The following ARHGAP44 variants were observed in gnomAD, a reference collection of about 807,000 sequenced individuals.
ARHGAP44 encodes Rho GTPase activating protein 44, also known as rho GTPase-activating protein 44.
In ARHGAP44, 43 loss-of-function variants were observed where a neutral mutation model predicts 106.8. The ratio of observed to expected loss-of-function variants is 0.40; its 90% CI spans 0.32 to 0.52. The LOEUF (loss-of-function observed/expected upper bound fraction) is 0.52. ARHGAP44 is among the 20% of genes least tolerant of loss of function. The pLI, the probability that ARHGAP44 is intolerant of heterozygous loss-of-function variation, is 0.48. For synonymous variants in ARHGAP44, 439 were observed against 410.3 expected (o/e 1.07, Z -0.85); for missense variants, 866 against 1,050.5 (o/e 0.82, Z 2.43).
intron 1 of ARHGAP44, among the ~76,000 whole-genome samples, chr17:12,841,708 T>C (rs140028324): frequency 1.2e-3 from 188 of 151,852 alleles, no homozygotes; most frequent in Non-Finnish European, 2.0e-3. Flanking sequence ...CCATTCTTAC[T>C]TTCTCCACTT....
intron 1 of ARHGAP44, among the ~76,000 whole-genome samples, chr17:12,841,880 A>G (rs115943089): frequency 1.9e-4 from 29 of 152,256 alleles, no homozygotes; most frequent in African/African-American, 6.3e-4. Flanking sequence ...GGGGTTTGCA[A>G]ATTTTTCAGG....
intron 1 of ARHGAP44, among the ~76,000 whole-genome samples, chr17:12,801,333 G>A (rs1258113089): frequency 6.6e-6 from 1 of 152,228 alleles, no homozygotes; most frequent in South Asian, 2.1e-4. Context: ...GTGCAGTAAC[G>A]GCACAGACCT....
intron 1 of ARHGAP44, among the ~76,000 whole-genome samples, chr17:12,827,931 C>T (rs1288494307): frequency 6.7e-6 from 1 of 148,248 alleles, no homozygotes; most frequent in Non-Finnish European, 1.5e-5. Context: ...CCCAGCTACT[C>T]AGGAGGCTGA....
At chr17:12,812,515 C>T (rs927980973) in intron 1 of ARHGAP44, among the ~76,000 whole-genome samples, 10 of 152,160 alleles carry the variant, frequency 6.6e-5, no homozygotes, top group Admixed American at 4.6e-4. Context: ...TGTGAGACAT[C>T]TATAGATGAA....
intron 1 of ARHGAP44, among the ~76,000 whole-genome samples, chr17:12,856,267 A>G (rs2035909067): frequency 1.3e-5 from 2 of 152,070 alleles, no homozygotes; most frequent in South Asian, 4.1e-4. Flanking sequence ...GGAATCTAGT[A>G]AACTGTGCAT....
chr17:12,868,591 TTATATATATATATATATATA>T (rs1209692482), intron 1 of ARHGAP44, among the ~76,000 whole-genome samples: 10 of 47,156 alleles, frequency 2.1e-4, no homozygotes, highest in South Asian at 9.0e-4. Flanking sequence ...TATATGCATT[TTATATATATATATATATATA>T]TATATATATA....
At chr17:12,897,261 A>AT (rs10648314) in intron 3 of ARHGAP44, among the ~76,000 whole-genome samples, 99,806 of 149,784 alleles carry the variant, frequency 0.67, 36,055 homozygotes, top group Non-Finnish European at 0.82. Flanking sequence ...TCATTTAGAC[A>AT]TTTTTTTTTT....
At chr17:12,836,224 C>T (rs7219558) in intron 1 of ARHGAP44, among the ~76,000 whole-genome samples, 3,793 of 152,124 alleles carry the variant, frequency 0.025, 150 homozygotes, top group African/African-American at 0.087. Flanking sequence ...AAGAGCAGAA[C>T]GGAGCAAAGT....
intron 1 of ARHGAP44, among the ~76,000 whole-genome samples, chr17:12,837,887 A>C (rs1289483464): frequency 6.6e-6 from 1 of 152,120 alleles, no homozygotes; most frequent in South Asian, 2.1e-4. Flanking sequence ...AATCAGCATT[A>C]TAATCTCATA....
chr17:12,931,657 C>T (rs746787016), intron 7 of ARHGAP44, among the ~76,000 whole-genome samples: 10 of 151,808 alleles, frequency 6.6e-5, no homozygotes, highest in Non-Finnish European at 7.4e-5. Context: ...CCACCACGCC[C>T]GGCTAATTTT....
rs2039163616 is a variant in ARHGAP44, at chr17:12,957,683, A to C, written c.1342+937A>C. ...AGATGTTCTGAGCCACAGAAGCCTC[A>C]CTCCATAAGTAGATGACTCTCAATG... On this transcript the variant is annotated intron_variant, in intron 15 of 20. Coordinates refer to ENST00000379672, the MANE Select transcript of ARHGAP44 (RefSeq NM_014859.6). Among the ~76,000 whole-genome samples the C allele has an allele frequency of 2.6e-5, 4 of 152,088 alleles. No homozygotes were observed. The South Asian group carries it at 8.3e-4, about 32-fold the overall frequency.
At position 12,949,034 on chromosome 17, in the gene ARHGAP44, T is replaced by G. The variant is rs1328303090; in HGVS notation, c.862-106T>G. On this transcript the variant is annotated intron_variant, in intron 10 of 20. Transcript: ENST00000379672. This position sits in a 1 kb window ranked among gnomAD's most constrained non-coding sequence, Gnocchi z 4.1. ...GGATTGGGAGATGGTGTTGGGCAAA[T>G]GCATGTAAGAGGTTTTGGAGAAAAG... is the stretch of plus-strand genomic sequence containing the variant. The G allele has an allele frequency of 2.7e-6, 3 of 1,107,708 alleles. No homozygotes were observed. Among genetic ancestry groups the G allele is most frequent in the Non-Finnish European group, 1.3e-6 (1 of 758,564 alleles). The allele number at this position is 1,107,708 out of a possible 1,614,324, so 68.6% of individuals were successfully genotyped here.
intron 7 of ARHGAP44, among the ~76,000 whole-genome samples, chr17:12,937,742 A>G (rs888478679): frequency 6.6e-6 from 1 of 152,184 alleles, no homozygotes; most frequent in African/African-American, 2.4e-5. Context: ...TCACCAAGAA[A>G]AATTATTTAA....
At chr17:12,955,454 T>C (rs938070057) in intron 13 of ARHGAP44, among the ~76,000 whole-genome samples, 1 of 152,146 alleles carries the variant, frequency 6.6e-6, no homozygotes, top group African/African-American at 2.4e-5. Flanking sequence ...CAACTGAGGG[T>C]AACTCCAAGA....
At chr17:12,886,506 C>G (rs1168602552) in intron 1 of ARHGAP44, among the ~76,000 whole-genome samples, 1 of 152,012 alleles carries the variant, frequency 6.6e-6, no homozygotes, top group Admixed American at 6.5e-5. Context: ...CATTTTTTAG[C>G]TTTCTGCCTA....
chr17:12,880,602 A>G (rs1281634252), intron 1 of ARHGAP44, among the ~76,000 whole-genome samples: 2 of 151,850 alleles, frequency 1.3e-5, no homozygotes, highest in East Asian at 3.9e-4. Flanking sequence ...ATAATATGAC[A>G]TTATGTGAAT....
intron 16 of ARHGAP44, among the ~76,000 whole-genome samples, chr17:12,964,657 G>A (rs984444641): frequency 2.6e-5 from 4 of 152,096 alleles, no homozygotes; most frequent in Non-Finnish European, 4.4e-5. Flanking sequence ...GGTGGCAGAC[G>A]CCTATAATCC....
At chr17:12,921,639 A>G (rs563708631) in intron 6 of ARHGAP44, among the ~76,000 whole-genome samples, 1 of 152,340 alleles carries the variant, frequency 6.6e-6, no homozygotes, top group East Asian at 1.9e-4. Context: ...GAAACAGAAT[A>G]TATTTGGGCA....
chr17:12,895,714 A>G (rs9891261), intron 2 of ARHGAP44, among the ~76,000 whole-genome samples: 9,458 of 152,266 alleles, frequency 0.062, 325 homozygotes, highest in East Asian at 0.099. Flanking sequence ...AAGGATCAGA[A>G]CTAGAAATAC....
Sources: gnomAD v4.1 joint callset for allele counts (sites outside exome capture counted in the v4.1 genomes callset) on GRCh38, gnomAD v4.1.1 for gene constraint, Gnocchi (gnomAD v3.1) non-coding constraint, MANE v1.5 for transcripts, NCBI Gene and HGNC (gene_info 2026-07-23, HGNC 2026-07-21) for gene names.